The following ZMIZ1 variants were observed in gnomAD, a reference collection of about 807,000 sequenced individuals.
The protein encoded by ZMIZ1 is zinc finger MIZ-type containing 1.
ZMIZ1 carries 17 observed loss-of-function variants against 113.9 expected under a neutral mutation model. That is an observed-to-expected ratio of 0.15 (90% CI 0.10 to 0.22). The LOEUF is 0.22. Among genes scored for constraint, ZMIZ1 ranks in the 10% least tolerant of loss-of-function variants. ZMIZ1 has a pLI of 1.00. For missense variants in ZMIZ1, 1,059 were observed against 1,477.8 expected, an observed-to-expected ratio of 0.72 and a Z score of 4.65; for synonymous variants, 607 against 603.1, an observed-to-expected ratio of 1.01 and a Z score of -0.09.
In ZMIZ1 at chr10:79,143,854, G is replaced by A. The variant is rs557893579; in HGVS notation, c.-131+4077G>A. 5.9e-5 allele frequency among the ~76,000 whole-genome samples: 9 copies of A among 152,292 alleles called. No homozygotes were observed. The East Asian group carries it at 7.7e-4, about 13-fold the overall frequency. On this transcript the variant is annotated intron_variant, in intron 3 of 24. Transcript: ENST00000334512. ...GAGACTCGGGAGCACAGTCCAGCCC[G>A]TCTGCAGAGTGAGTGCGGTCTGACA...
chr10:79,208,141 G>GT (rs1446421600), intron 5 of ZMIZ1, among the ~76,000 whole-genome samples, 195 bp from the exon 6 acceptor site: 1 of 128,488 alleles, frequency 7.8e-6, no homozygotes, highest in Non-Finnish European at 1.6e-5. Context: ...GGGTGGGGGG[G>GT]GGTGGGAGCA....
intron 1 of ZMIZ1, among the ~76,000 whole-genome samples, chr10:79,108,773 G>C (rs1843640499): frequency 6.6e-6 from 1 of 152,118 alleles, no homozygotes; most frequent in African/African-American, 2.4e-5. Flanking sequence ...TGATTTATGG[G>C]GCTGTTTTGG....
intron 1 of ZMIZ1, among the ~76,000 whole-genome samples, chr10:79,086,008 C>T (rs1018974358): frequency 6.6e-6 from 1 of 152,194 alleles, no homozygotes; most frequent in Non-Finnish European, 1.5e-5. Flanking sequence ...TCTCTCTGCC[C>T]TCTGTGCATT....
At chr10:79,075,805 G>T (rs142094429) in intron 1 of ZMIZ1, among the ~76,000 whole-genome samples, 2 of 152,214 alleles carry the variant, frequency 1.3e-5, no homozygotes, top group Non-Finnish European at 2.9e-5. Context: ...TCTGATGGGG[G>T]TGTGTGTTAA....
At chr10:79,175,633 G>GTGTGTGTGTGTGTGTGTGTGTGT (rs1216136831) in intron 4 of ZMIZ1, among the ~76,000 whole-genome samples, 1 of 72,500 alleles carries the variant, frequency 1.4e-5, no homozygotes, top group East Asian at 1.4e-3. Flanking sequence ...TGTGTGTGGA[G>GTGTGTGTGTGTGTGTGTGTGTGT]GTTTTTACAG....
intron 7 of ZMIZ1, among the ~76,000 whole-genome samples, chr10:79,222,333 T>C (rs1473385399): frequency 6.6e-6 from 1 of 152,202 alleles, no homozygotes; most frequent in East Asian, 1.9e-4. Flanking sequence ...GGCTAACCTC[T>C]GGGACAGGCG....
chr10:79,213,698 T>A (rs1340170204), intron 6 of ZMIZ1, among the ~76,000 whole-genome samples: 3 of 152,212 alleles, frequency 2.0e-5, no homozygotes, highest in Non-Finnish European at 2.9e-5. Flanking sequence ...AGGTTGGAAG[T>A]TATGGCGTTA....
At chr10:79,207,103 T>C (rs745418) in intron 5 of ZMIZ1, among the ~76,000 whole-genome samples, 111,156 of 152,142 alleles carry the variant, frequency 0.73, 40,659 homozygotes, top group East Asian at 0.78. Flanking sequence ...AGAGTGTGGA[T>C]TCCCGTAGCT....
intron 1 of ZMIZ1, among the ~76,000 whole-genome samples, chr10:79,090,289 G>C (rs111750805): frequency 1.3e-5 from 2 of 152,234 alleles, no homozygotes; most frequent in East Asian, 1.9e-4. Context: ...GAAAGCAACC[G>C]AGCCTGGGCA....
intron 4 of ZMIZ1, among the ~76,000 whole-genome samples, chr10:79,179,175 A>G (rs927515179): frequency 3.9e-5 from 6 of 152,242 alleles, no homozygotes; most frequent in Non-Finnish European, 7.3e-5. Flanking sequence ...GGTAACTCCA[A>G]GAGTTAATGT....
At position 79,118,026 on chromosome 10, in the gene ZMIZ1, T is replaced by TG. The variant is rs199765455; in HGVS notation, c.-336-883dup. ...GCCAGGGGTCTGCAGATGCAGGAAC[T>TG]GGGGGGAGACAGCCACACAGCCTCC... On this transcript the variant is annotated intron_variant, in intron 1 of 24. Transcript: ENST00000334512. This position sits in a 1 kb window ranked among gnomAD's most constrained non-coding sequence, Gnocchi z 4.1. Among the ~76,000 whole-genome samples, 2,561 of 152,252 alleles carry TG rather than the reference T, an allele frequency of 0.017. 90 individuals are homozygous for TG. Among genetic ancestry groups the TG allele is most frequent in the African/African-American group, 0.058 (2,407 of 41,520 alleles).
At chr10:79,178,977 AGAG>A (rs764629840) in intron 4 of ZMIZ1, among the ~76,000 whole-genome samples, 14 of 152,196 alleles carry the variant, frequency 9.2e-5, no homozygotes, top group Admixed American at 5.2e-4. Flanking sequence ...TTCCACCTCC[AGAG>A]GAGTGGGCCC....
At chr10:79,150,436 A>C (rs1375383489) in intron 3 of ZMIZ1, among the ~76,000 whole-genome samples, 1 of 152,084 alleles carries the variant, frequency 6.6e-6, no homozygotes, top group Non-Finnish European at 1.5e-5. Flanking sequence ...TGCACCCCCC[A>C]CACATGCTAA....
intron 1 of ZMIZ1, among the ~76,000 whole-genome samples, chr10:79,114,747 C>CG (rs1843947879): frequency 6.6e-6 from 1 of 152,144 alleles, no homozygotes; most frequent in Non-Finnish European, 1.5e-5. Context: ...AGTATCACCA[C>CG]GGGCTGAGAA....
At chr10:79,165,948 CTGTGTGTGTGTGTGTGTGTGTGTG>C (rs1174980856) in intron 4 of ZMIZ1, among the ~76,000 whole-genome samples, 1 of 59,848 alleles carries the variant, frequency 1.7e-5, no homozygotes, top group Admixed American at 1.3e-4. Flanking sequence ...CCCAGCTCAG[CTGTGTGTGTGTGTGTGTGTGTGTG>C]TGTGTGTGTG....
At chr10:79,096,852 C>T (rs1319914977) in intron 1 of ZMIZ1, among the ~76,000 whole-genome samples, 2 of 152,062 alleles carry the variant, frequency 1.3e-5, no homozygotes, top group East Asian at 3.9e-4. Context: ...ATGATAAGCA[C>T]CAAGAAAGAA....
intron 2 of ZMIZ1, among the ~76,000 whole-genome samples, chr10:79,122,996 G>T (rs986059285): frequency 6.6e-6 from 1 of 152,206 alleles, no homozygotes; most frequent in Admixed American, 6.5e-5. Context: ...GCAGACTAGC[G>T]CCCAGCCCTG....
At chr10:79,255,830 C>G (rs1048357002) in intron 7 of ZMIZ1, among the ~76,000 whole-genome samples, 4 of 152,204 alleles carry the variant, frequency 2.6e-5, no homozygotes, top group African/African-American at 7.2e-5. Flanking sequence ...ATTTCCGCAT[C>G]GATCATAAAC....
intron 7 of ZMIZ1, among the ~76,000 whole-genome samples, chr10:79,252,599 T>G (rs1011410428): frequency 1.1e-4 from 16 of 152,172 alleles, no homozygotes; most frequent in African/African-American, 3.6e-4. Context: ...ATCTTGTGCT[T>G]GAGATGTCCT....
Sources: gnomAD v4.1 joint callset for allele counts (sites outside exome capture counted in the v4.1 genomes callset) on GRCh38, gnomAD v4.1.1 for gene constraint, Gnocchi (gnomAD v3.1) non-coding constraint, MANE v1.5 for transcripts, NCBI Gene and HGNC (gene_info 2026-07-23, HGNC 2026-07-21) for gene names.